The following CRHR2 variants were observed in gnomAD, a reference collection of about 807,000 sequenced individuals.
The protein encoded by CRHR2 is corticotropin releasing hormone receptor 2.
Under a neutral mutation model 57.9 loss-of-function variants are expected in CRHR2, and 53 were observed. The ratio of observed to expected loss-of-function variants is 0.92; its 90% confidence interval spans 0.73 to 1.15. The LOEUF is 1.15. Ranked by LOEUF, CRHR2 falls within the 50% of genes most tolerant of loss-of-function variation. The probability of loss-of-function intolerance (pLI) is 0.00; values close to 1 mark genes in which losing one functional copy is unlikely to be tolerated. For synonymous variants in CRHR2, 213 were observed against 220.9 expected (o/e 0.96, Z 0.32); for missense variants, 532 against 542.6 (o/e 0.98, Z 0.19).
At chr7:30,693,345 G>A (rs1007995034) in intron 1 of CRHR2, among the ~76,000 whole-genome samples, 3 of 152,152 alleles carry the variant, frequency 2.0e-5, no homozygotes, top group Admixed American at 1.3e-4. Context: ...GAAGGGAGAC[G>A]GGCTGGAGAT....
intron 2 of CRHR2, among the ~76,000 whole-genome samples, 183 bp downstream of exon 2, chr7:30,681,732 C>A (rs1784712339): frequency 6.6e-6 from 1 of 152,224 alleles, no homozygotes; most frequent in South Asian, 2.1e-4. Flanking sequence ...AGATTAGACG[C>A]TGTATTGGGG....
chr7:30,652,464 C>G lies in CRHR2; in HGVS notation c.*996G>C, dbSNP rs369251180. Reference sequence around the variant, plus strand: ...AGGTCAGAGAGAGAGAGAACTGGCCCGAGGCCAGGGCCCGAGCCCACTAAG... The same window carrying G: ...AGGTCAGAGAGAGAGAGAACTGGCCGGAGGCCAGGGCCCGAGCCCACTAAG... On this transcript the variant is annotated 3_prime_UTR_variant, in exon 12 of 12. Transcript: ENST00000471646. This position sits in a 1 kb window ranked among gnomAD's most constrained non-coding sequence, Gnocchi z 4.4. The G allele has an allele frequency of 6.6e-6, 1 of 152,364 alleles. No individual in the cohort carries two copies. Among genetic ancestry groups the G allele is most frequent in the East Asian group, 1.9e-4 (1 of 5,174 alleles). 9.4% of individuals were successfully genotyped at this position (152,364 alleles called of 1,614,324 possible).
chr7:30,700,007 G>C lies in CRHR2; in HGVS notation c.-324C>G, dbSNP rs1273763195. The C allele has an allele frequency of 9.0e-6, 13 of 1,444,316 alleles. 1 individual carries two copies. In the South Asian group the frequency reaches 1.9e-4, roughly 21 times the overall value. 89.5% of individuals were successfully genotyped at this position (1,444,316 alleles called of 1,614,324 possible). A position where few individuals can be genotyped will look rare whatever the true frequency, so the allele number is the denominator to read the frequency against. On this transcript the variant is annotated 5_prime_UTR_variant, in exon 1 of 14. Transcript: ENST00000341843. Reference sequence around the variant, plus strand: ...GGAGGAGGTGTGGGACGTAGAGGAGGCCTGGGGGCCCTGAGGGACCCCTCA... The same window carrying C: ...GGAGGAGGTGTGGGACGTAGAGGAGCCCTGGGGGCCCTGAGGGACCCCTCA...
intron 5 of CRHR2, among the ~76,000 whole-genome samples, chr7:30,663,393 A>T (rs1477990833): frequency 6.6e-6 from 1 of 152,168 alleles, no homozygotes; most frequent in Non-Finnish European, 1.5e-5. Context: ...AATTATTACT[A>T]GCTCTGGAGG....
At chr7:30,664,603 C>T (rs902750636) in intron 5 of CRHR2, among the ~76,000 whole-genome samples, 4 of 152,094 alleles carry the variant, frequency 2.6e-5, no homozygotes, top group African/African-American at 9.7e-5. Context: ...GTGAAGCTCC[C>T]AGCCTGGCAG....
intron 2 of CRHR2, among the ~76,000 whole-genome samples, chr7:30,674,364 G>A (rs1030010870): frequency 6.6e-5 from 10 of 152,188 alleles, no homozygotes; most frequent in East Asian, 3.9e-4. Context: ...CAGTGGGCTC[G>A]TCGCCATGAC....
chr7:30,686,463 G>T, upstream of CRHR2: 1 of 1,528,910 alleles, frequency 6.5e-7, no homozygotes, highest in Non-Finnish European at 8.7e-7. Flanking sequence ...ACCAACCCTG[G>T]CATATGTGTG....
intron 2 of CRHR2, among the ~76,000 whole-genome samples, chr7:30,672,170 C>T (rs1784383090): frequency 6.6e-6 from 1 of 152,226 alleles, no homozygotes; most frequent in East Asian, 1.9e-4. Flanking sequence ...AATTCATGCC[C>T]CTTTTCAAGG....
intron 2 of CRHR2, among the ~76,000 whole-genome samples, chr7:30,670,427 G>A (rs1784320603): frequency 6.6e-6 from 1 of 152,188 alleles, no homozygotes; most frequent in Admixed American, 6.5e-5. Flanking sequence ...TCTCCCTCAG[G>A]ACAGAGCCAT....
intron 2 of CRHR2, 30 bp downstream of exon 2, chr7:30,681,885 G>A: frequency 6.2e-7 from 1 of 1,602,976 alleles, no homozygotes; most frequent in South Asian, 1.1e-5. Flanking sequence ...GGCCGGTGTA[G>A]AGCAGGCAGC....
chr7:30,666,975 T>A (rs989794081), intron 3 of CRHR2, among the ~76,000 whole-genome samples: 5 of 152,246 alleles, frequency 3.3e-5, no homozygotes, highest in African/African-American at 1.2e-4. Context: ...TCCCTTTTTG[T>A]GTCACATGCC....
intron 2 of CRHR2, among the ~76,000 whole-genome samples, chr7:30,679,449 T>C (rs563519066): frequency 1.6e-4 from 25 of 152,032 alleles, no homozygotes; most frequent in Middle Eastern, 3.4e-3. Context: ...TCAGAGGGAG[T>C]GTGGGCGAGT....
rs61742161 is a variant in CRHR2, at chr7:30,662,838, G to A, written c.553C>T (p.Arg185Cys). 5.3e-4 allele frequency: 859 copies of A among 1,614,094 alleles called. 5 individuals are homozygous for A. In the African/African-American group the frequency reaches 8.7e-3, roughly 16 times the overall value. Residue 185 changes from arginine to cysteine, a missense_variant, in exon 6 of 12, where the codon CGC (arginine) becomes TGC (cysteine). By Grantham distance (180) the Arg-to-Cys change is radical. Coordinates refer to ENST00000471646, the MANE Select transcript of CRHR2 (RefSeq NM_001883.5). ...TAGTTGAAGATGGTGGTGATGCAGCGGCACCAGACCTGTGTGCAGGGCAGA... is the reference window on the plus strand; with the variant it reads ...TAGTTGAAGATGGTGGTGATGCAGCAGCACCAGACCTGTGTGCAGGGCAGA... ...EVHESNEVWC[R>C]CITTIFNYFV...
chr7:30,683,680 C>T (rs533185538), upstream of CRHR2, among the ~76,000 whole-genome samples: 1 of 152,312 alleles, frequency 6.6e-6, no homozygotes, highest in South Asian at 2.1e-4. Flanking sequence ...TCCCCGAGGC[C>T]CCTCTCAGCT....
intron 8 of CRHR2, among the ~76,000 whole-genome samples, chr7:30,659,667 T>C (rs995296576): frequency 1.3e-5 from 2 of 152,150 alleles, no homozygotes; most frequent in Non-Finnish European, 2.9e-5. Context: ...ACTCCAAAGA[T>C]GGAGGTCAAA....
At chr7:30,692,435 C>A (rs542463411) in intron 1 of CRHR2, among the ~76,000 whole-genome samples, 2 of 152,186 alleles carry the variant, frequency 1.3e-5, no homozygotes, top group African/African-American at 2.4e-5. Context: ...CGCCCCTCAG[C>A]GGTGCTCAGT....
At position 30,665,804 on chromosome 7, in the gene CRHR2, G is replaced by A. The variant is rs1012400005; in HGVS notation, c.316-165C>T. 1.9e-4 allele frequency among the ~76,000 whole-genome samples: 29 copies of A among 152,272 alleles called. No individual in the cohort carries two copies. Among genetic ancestry groups the A allele is most frequent in the Middle Eastern group, 3.4e-3 (1 of 294 alleles). On this transcript the variant is annotated intron_variant, in intron 3 of 11. Transcript: ENST00000471646. This position sits in a 1 kb window ranked among gnomAD's most constrained non-coding sequence, Gnocchi z 4.5. ...GGGTTCGTTCCTGTTGGCCCTGGGTGGCTCTTGTTGTTATAAATGGCTGTG... is the reference window on the plus strand; with the variant it reads ...GGGTTCGTTCCTGTTGGCCCTGGGTAGCTCTTGTTGTTATAAATGGCTGTG...
chr7:30,670,638 A>G (rs558610594), intron 2 of CRHR2, among the ~76,000 whole-genome samples: 1 of 152,238 alleles, frequency 6.6e-6, no homozygotes, highest in Non-Finnish European at 1.5e-5. Context: ...GCTGTGGCCA[A>G]TGAGGGCACT....
In CRHR2 at chr7:30,655,972, A is replaced by C. The variant is rs753609927; in HGVS notation, c.872T>G (p.Met291Arg). ...VFLFNIVRIL[M>R]TKLRASTTSE... ...TGTGGTGGACGCGCGTAACTTTGTC[A>C]TTAGGATCCTGACGATGTTGAACAG... Residue 291 changes from methionine to arginine, a missense_variant, in exon 9 of 12, where the codon ATG (methionine) becomes AGG (arginine). By Grantham distance (91) the Met-to-Arg change is moderately conservative (BLOSUM62 -1). Coordinates refer to ENST00000471646, the MANE Select transcript of CRHR2 (RefSeq NM_001883.5). The C allele has an allele frequency of 6.2e-7, 1 of 1,611,832 alleles. No homozygotes were observed. The highest frequency in any genetic ancestry group is 1.1e-5 in the South Asian group (1 of 91,036).
Sources: gnomAD v4.1 joint callset for allele counts (sites outside exome capture counted in the v4.1 genomes callset) on GRCh38, gnomAD v4.1.1 for gene constraint, Gnocchi (gnomAD v3.1) non-coding constraint, MANE v1.5 for transcripts, NCBI Gene and HGNC (gene_info 2026-07-23, HGNC 2026-07-21) for gene names.